OCA2: variants seen among roughly 807,000 people sequenced by gnomAD.
OCA2 encodes the protein OCA2 melanosomal transmembrane protein, also known as P protein.
A neutral mutation model predicts 100.2 loss-of-function variants in OCA2; 77 were observed. The observed-to-expected ratio is 0.77, with a 90% CI of 0.64 to 0.93. OCA2 has a LOEUF of 0.93. OCA2 is among the 40% of genes least tolerant of loss of function. The pLI, the probability that OCA2 is intolerant of heterozygous loss-of-function variation, is 0.00. For missense variants in OCA2, 1,062 were observed against 1,089.1 expected (o/e 0.98, Z 0.35); for synonymous variants, 432 against 439.2 (o/e 0.98, Z 0.21).
intron 23 of OCA2, among the ~76,000 whole-genome samples, chr15:27,831,419 G>A (rs751786998): frequency 6.6e-6 from 1 of 152,014 alleles, no homozygotes; most frequent in East Asian, 1.9e-4. Context: ...CAAAGGCGTC[G>A]ACAGCGCTGA....
chr15:27,981,978 C>T (rs746994483), intron 14 of OCA2, among the ~76,000 whole-genome samples: 1 of 152,202 alleles, frequency 6.6e-6, no homozygotes, highest in African/African-American at 2.4e-5. Flanking sequence ...ATTTGTTTCC[C>T]GTCTCACAGG....
intron 17 of OCA2, 56 bp downstream of exon 17, chr15:27,955,102 T>C: frequency 3.2e-6 from 4 of 1,236,422 alleles, no homozygotes; most frequent in Non-Finnish European, 4.8e-6. Context: ...AAGGCATCAC[T>C]CACTCTCTTC....
intron 19 of OCA2, among the ~76,000 whole-genome samples, chr15:27,895,336 A>G (rs1277347569): frequency 6.6e-6 from 1 of 152,206 alleles, no homozygotes; most frequent in Non-Finnish European, 1.5e-5. Context: ...AAAATGTGGA[A>G]GCAACTTTGG....
chr15:27,799,171 A>G (rs1168488437), intron 23 of OCA2, among the ~76,000 whole-genome samples: 1 of 152,236 alleles, frequency 6.6e-6, no homozygotes, highest in Non-Finnish European at 1.5e-5. Context: ...TCGCTTCTGC[A>G]TTTGCAAAGA....
At chr15:27,725,544 G>A in the OCA2 span, among the ~76,000 whole-genome samples, 6 of 152,188 alleles carry the variant, frequency 3.9e-5, no homozygotes, top group African/African-American at 1.4e-4. Context: ...CTCCAGCCTG[G>A]GCAACAAGAG....
chr15:27,850,980 C>G (rs1419983253), intron 22 of OCA2, among the ~76,000 whole-genome samples: 1 of 152,212 alleles, frequency 6.6e-6, no homozygotes, highest in African/African-American at 2.4e-5. Flanking sequence ...TTTCTTCCCA[C>G]TCTTATGGGT....
intron 9 of OCA2, among the ~76,000 whole-genome samples, chr15:28,006,967 T>C (rs1048744271): frequency 6.6e-6 from 1 of 152,248 alleles, no homozygotes; most frequent in Non-Finnish European, 1.5e-5. Flanking sequence ...AGGTGTTCTC[T>C]ATTCATCTCC....
chr15:27,812,132 G>A lies in OCA2; in HGVS notation c.2432+32827C>T, dbSNP rs142510087. Among the ~76,000 whole-genome samples the A allele has an allele frequency of 4.0e-3, 608 of 152,280 alleles. 7 individuals are homozygous for A. Among genetic ancestry groups the A allele is most frequent in the African/African-American group, 0.014 (583 of 41,548 alleles). On this transcript the variant is annotated intron_variant, in intron 23 of 23. Coordinates refer to ENST00000354638, the MANE Select transcript of OCA2 (RefSeq NM_000275.3). ...AATGAAGTTGATGATGCAACCATGGGATAAATGCTGGAGCGAAGACCCCTC... is the reference window on the plus strand; with the variant it reads ...AATGAAGTTGATGATGCAACCATGGAATAAATGCTGGAGCGAAGACCCCTC...
At chr15:28,084,175 A>C (rs1406097450) in intron 1 of OCA2, among the ~76,000 whole-genome samples, 3 of 152,252 alleles carry the variant, frequency 2.0e-5, no homozygotes, top group African/African-American at 7.2e-5. Flanking sequence ...CTGTCTGTGA[A>C]CCAGGAGGTG....
intron 12 of OCA2, among the ~76,000 whole-genome samples, chr15:27,985,619 T>C (rs539202271): frequency 1.3e-5 from 2 of 152,260 alleles, no homozygotes; most frequent in Admixed American, 6.5e-5. Flanking sequence ...CTGGCATGTA[T>C]AAGGTGGGGC....
intron 23 of OCA2, among the ~76,000 whole-genome samples, chr15:27,791,262 G>A (rs982113519): frequency 6.6e-6 from 1 of 152,142 alleles, no homozygotes; most frequent in Non-Finnish European, 1.5e-5. Flanking sequence ...GCCCCAAATT[G>A]GAGGGAAAAC....
chr15:27,825,166 G>A (rs1008237444), intron 23 of OCA2, among the ~76,000 whole-genome samples: 3 of 152,172 alleles, frequency 2.0e-5, no homozygotes, highest in Non-Finnish European at 2.9e-5. Flanking sequence ...GACTCTCCAA[G>A]GACAGCCGGC....
At chr15:27,848,214 A>C (rs892601526) in intron 22 of OCA2, among the ~76,000 whole-genome samples, 1 of 152,164 alleles carries the variant, frequency 6.6e-6, no homozygotes, top group Non-Finnish European at 1.5e-5. Context: ...CCAGAAACCC[A>C]GCTGCCCATC....
At chr15:27,824,679 CCTGT>C (rs1268114464) in intron 23 of OCA2, among the ~76,000 whole-genome samples, 2 of 147,560 alleles carry the variant, frequency 1.4e-5, no homozygotes, top group African/African-American at 5.1e-5. Flanking sequence ...TAAGGACCAG[CCTGT>C]CTAAGGCCAC....
chr15:27,972,303 T>C (rs908996042), intron 14 of OCA2, among the ~76,000 whole-genome samples: 2 of 152,258 alleles, frequency 1.3e-5, no homozygotes, highest in African/African-American at 4.8e-5. Flanking sequence ...TGTGCTGTGA[T>C]AAACATAAGT....
intron 18 of OCA2, among the ~76,000 whole-genome samples, chr15:27,937,952 C>T (rs2039515118): frequency 6.6e-6 from 1 of 152,212 alleles, no homozygotes; most frequent in Non-Finnish European, 1.5e-5. Flanking sequence ...TTACCATTAG[C>T]ACTTTTCATA....
chr15:27,776,259 C>T (rs2032206301), intron 23 of OCA2, among the ~76,000 whole-genome samples: 1 of 152,192 alleles, frequency 6.6e-6, no homozygotes, highest in African/African-American at 2.4e-5. Context: ...CCTCATCTGC[C>T]TCTTTGTCTC....
At chr15:27,819,632 T>A (rs1312928134) in intron 23 of OCA2, among the ~76,000 whole-genome samples, 1 of 152,232 alleles carries the variant, frequency 6.6e-6, no homozygotes, top group Non-Finnish European at 1.5e-5. Flanking sequence ...GAGGCTAGAA[T>A]TATCCATGTG....
At chr15:28,050,266 C>T (rs1005022622) in intron 2 of OCA2, among the ~76,000 whole-genome samples, 7 of 152,104 alleles carry the variant, frequency 4.6e-5, no homozygotes, top group South Asian at 2.1e-4. Flanking sequence ...GTCTGGGCAA[C>T]AGAGCAAGAC....
Sources: allele counts gnomAD v4.1 joint callset (sites outside exome capture counted in the v4.1 genomes callset), GRCh38; gene constraint gnomAD v4.1.1; transcripts MANE v1.5; gene names NCBI Gene and HGNC (gene_info 2026-07-23, HGNC 2026-07-21).